ZDHHC11B: variants seen among roughly 807,000 people sequenced by gnomAD.
The protein encoded by ZDHHC11B is probable palmitoyltransferase ZDHHC11B.
In ZDHHC11B, 17 loss-of-function variants were observed where a neutral mutation model predicts 42.3. That is an observed-to-expected ratio of 0.40 (90% confidence interval 0.27 to 0.60). The LOEUF (loss-of-function observed/expected upper bound fraction) is 0.60, where lower values mean the gene tolerates loss of function less well. Ranked by LOEUF, ZDHHC11B falls within the 20% of genes least tolerant of loss-of-function variation. The pLI is 0.41. For missense variants in ZDHHC11B, 262 were observed against 463.2 expected (o/e 0.57, Z 3.99); for synonymous variants, 123 against 193.5 (o/e 0.64, Z 3.02).
At chr5:760,431 G>A (rs1307847312) in intron 4 of ZDHHC11B, among the ~76,000 whole-genome samples, 4 of 151,678 alleles carry the variant, frequency 2.6e-5, no homozygotes, top group African/African-American at 7.3e-5. Flanking sequence ...CACAGAGAGC[G>A]GCCAGAACCA....
chr5:716,929 C>G, intron 12 of ZDHHC11B, 64 bp from the exon 13 acceptor site: 2 of 1,607,008 alleles, frequency 1.2e-6, no homozygotes, highest in Non-Finnish European at 1.7e-6. Context: ...GTTATACTGC[C>G]AAAGTGCACA....
chr5:739,623 T>A (rs2127033450), intron 10 of ZDHHC11B, among the ~76,000 whole-genome samples: 1 of 147,352 alleles, frequency 6.8e-6, no homozygotes, highest in South Asian at 2.3e-4. Flanking sequence ...ATAACAGATG[T>A]TGGCATGGAT....
chr5:740,177 A>G (rs1348124695), intron 10 of ZDHHC11B, among the ~76,000 whole-genome samples: 2 of 126,598 alleles, frequency 1.6e-5, no homozygotes, highest in African/African-American at 2.6e-5. Context: ...TGAGTACTGT[A>G]TACATTGCTC....
intron 7 of ZDHHC11B, among the ~76,000 whole-genome samples, chr5:749,466 T>A (rs28547446): frequency 0.76 from 97,395 of 128,340 alleles, 42,880 homozygotes; most frequent in African/African-American, 0.95. Context: ...CTTGGGGGCC[T>A]TCCTAGATGG....
chr5:732,672 C>T (rs921574864), intron 11 of ZDHHC11B: 7 of 449,846 alleles, frequency 1.6e-5, no homozygotes, highest in Non-Finnish European at 2.7e-5. Flanking sequence ...GCCCTGCCCC[C>T]ACAGGGAAGG....
chr5:751,408 A>AGGCGTGG (rs869084674), intron 6 of ZDHHC11B, among the ~76,000 whole-genome samples, 151 bp from the exon 7 acceptor site: 2 of 51,900 alleles, frequency 3.9e-5, no homozygotes, highest in African/African-American at 4.5e-5. Context: ...ACGCAAGGGC[A>AGGCGTGG]GGTGTGGGAC....
At position 733,849 on chromosome 5, in the gene ZDHHC11B, C is replaced by T. The variant is rs763115371; in HGVS notation, c.936-10G>A. The T allele has an allele frequency of 1.9e-6, 3 of 1,603,048 alleles. No homozygotes were observed. The highest frequency in any genetic ancestry group is 2.6e-6 in the Non-Finnish European group (3 of 1,175,664). ...GCTCTTGGCCTTGACTCTGGTGGGA[C>T]AGGAAGGAGGAGAGAAACTCATCTC... On this transcript the variant is annotated splice_polypyrimidine_tract_variant and intron_variant, in intron 10 of 13. Coordinates refer to ENST00000508859, the MANE Select transcript of ZDHHC11B (RefSeq NM_001351303.2).
At chr5:747,940 A>G in intron 8 of ZDHHC11B, 1 of 339,122 alleles carries the variant, frequency 2.9e-6, no homozygotes, top group Non-Finnish European at 5.2e-6. Context: ...TGTGAGACCA[A>G]GCAAGACCAC....
rs376634698 is a variant in ZDHHC11B, at chr5:744,012, C to T, written c.900+1171G>A. ...AGGGTGCTTTCCTATCATTCCTAGGCCACTGAGATTTGTTAAAAATCATGA... is the reference window on the plus strand; with the variant it reads ...AGGGTGCTTTCCTATCATTCCTAGGTCACTGAGATTTGTTAAAAATCATGA... On this transcript the variant is annotated intron_variant, in intron 9 of 13. Coordinates refer to ENST00000508859, the MANE Select transcript of ZDHHC11B (RefSeq NM_001351303.2). Among the ~76,000 whole-genome samples the T allele has an allele frequency of 2.4e-4, 36 of 149,872 alleles. 2 individuals carry two copies. In the East Asian group the frequency reaches 4.7e-3, roughly 20 times the overall value.
intron 12 of ZDHHC11B, among the ~76,000 whole-genome samples, chr5:717,436 G>C (rs73730924): frequency 6.6e-6 from 1 of 151,584 alleles, no homozygotes; most frequent in African/African-American, 2.4e-5. Flanking sequence ...TTGGGGATCC[G>C]GCTTAAGTTG....
intron 12 of ZDHHC11B, among the ~76,000 whole-genome samples, chr5:719,561 T>A (rs1220760328): frequency 6.0e-5 from 9 of 149,586 alleles, no homozygotes; most frequent in Admixed American, 2.0e-4. Context: ...GTTCAACAGA[T>A]CTGAGCAAGC....
chr5:769,521 A>G (rs1735790030), intron 1 of ZDHHC11B, among the ~76,000 whole-genome samples: 1 of 151,852 alleles, frequency 6.6e-6, no homozygotes, highest in Admixed American at 6.6e-5. Context: ...GAGCTGGGTG[A>G]AAGACCACCA....
At chr5:760,743 T>C (rs551286309) in intron 4 of ZDHHC11B, among the ~76,000 whole-genome samples, 1 of 151,852 alleles carries the variant, frequency 6.6e-6, no homozygotes, top group East Asian at 1.9e-4. Context: ...CAGATGAGGA[T>C]TGCAACAGAA....
At chr5:770,843 G>GC (rs1295422951) in intron 1 of ZDHHC11B, among the ~76,000 whole-genome samples, 1 of 151,914 alleles carries the variant, frequency 6.6e-6, no homozygotes, top group Non-Finnish European at 1.5e-5. Context: ...TAAGGCGCCC[G>GC]CCCCCAGAGC....
intron 11 of ZDHHC11B, chr5:732,174 T>G (rs373823139): frequency 0.012 from 1,824 of 157,866 alleles, 59 homozygotes; most frequent in African/African-American, 0.041. Context: ...GAAGTCACGC[T>G]CATTTTCAGA....
chr5:723,483 A>G (rs1269260266), intron 12 of ZDHHC11B, among the ~76,000 whole-genome samples: 2 of 120,832 alleles, frequency 1.7e-5, no homozygotes, highest in Non-Finnish European at 3.8e-5. Context: ...GTCTGATGCC[A>G]AAGTCCAAAT....
chr5:718,792 T>C (rs1464306420), intron 12 of ZDHHC11B, among the ~76,000 whole-genome samples: 2 of 151,662 alleles, frequency 1.3e-5, no homozygotes, highest in Non-Finnish European at 2.9e-5. Context: ...GATTTCTTAG[T>C]CTTCCTGTGG....
chr5:756,269 G>A (rs1441757285), intron 4 of ZDHHC11B, 125 bp from the exon 5 acceptor site: 4 of 1,417,708 alleles, frequency 2.8e-6, no homozygotes, highest in African/African-American at 2.8e-5. Context: ...CCCTGCACAC[G>A]TGAGCCCAGC....
intron 4 of ZDHHC11B, among the ~76,000 whole-genome samples, chr5:759,869 A>T (rs549050611): frequency 1.4e-4 from 22 of 151,986 alleles, no homozygotes; most frequent in African/African-American, 5.3e-4. Context: ...GCCGGATAGC[A>T]CAGGCACCCT....
Sources: gnomAD v4.1 joint callset for allele counts (sites outside exome capture counted in the v4.1 genomes callset) on GRCh38, gnomAD v4.1.1 for gene constraint, MANE v1.5 for transcripts, NCBI Gene and HGNC (gene_info 2026-07-23, HGNC 2026-07-21) for gene names.